CTDSPL2: variants seen among roughly 807,000 people sequenced by gnomAD.
CTDSPL2 encodes CTD small phosphatase like 2.
CTDSPL2 carries 5 observed loss-of-function variants against 60.0 expected under a neutral mutation model. That is an observed-to-expected ratio of 0.08 (90% CI 0.04 to 0.18). CTDSPL2 has a LOEUF of 0.18. CTDSPL2 is among the 10% of genes least tolerant of loss of function. The probability of loss-of-function intolerance (pLI) is 1.00; values close to 1 mark genes in which losing one functional copy is unlikely to be tolerated. For missense variants in CTDSPL2, 370 were observed against 548.8 expected (o/e 0.67, Z 3.26); for synonymous variants, 186 against 189.3 (o/e 0.98, Z 0.14).
chr15:44,436,026 T>C (rs1423266461), intron 1 of CTDSPL2, among the ~76,000 whole-genome samples: 1 of 152,158 alleles, frequency 6.6e-6, no homozygotes, highest in Non-Finnish European at 1.5e-5. Flanking sequence ...CCTTTTATAA[T>C]GAAGGCTTAT....
At chr15:44,455,935 C>T (rs544240036) in intron 1 of CTDSPL2, among the ~76,000 whole-genome samples, 11 of 148,686 alleles carry the variant, frequency 7.4e-5, no homozygotes, top group East Asian at 2.0e-4. Context: ...CTGCAGGCTC[C>T]GCCCCCTGGG....
intron 8 of CTDSPL2, 26 bp downstream of exon 8, chr15:44,499,839 T>G (rs971567362): frequency 7.3e-7 from 1 of 1,374,752 alleles, no homozygotes; most frequent in Non-Finnish European, 1.0e-6. Context: ...TTGATGATTT[T>G]TGGCCTGATA....
Position 44,496,476 on chromosome 15 carries a change from C to G in CTDSPL2, c.770+18C>G. On this transcript the variant is annotated intron_variant, in intron 6 of 12. Coordinates refer to ENST00000260327, the MANE Select transcript of CTDSPL2 (RefSeq NM_016396.3). ...TTTGACCCGTGAGTTGCTTTTTTCTCTTTTTTTCTTTCCTTTTTGGAGCAT... is the reference window on the plus strand; with the variant it reads ...TTTGACCCGTGAGTTGCTTTTTTCTGTTTTTTTCTTTCCTTTTTGGAGCAT... 2 of 1,592,206 alleles carry G rather than the reference C, an allele frequency of 1.3e-6. No individual in the cohort carries two copies. The highest frequency in any genetic ancestry group is 1.7e-6 in the Non-Finnish European group (2 of 1,161,260).
chr15:44,516,607 T>C (rs2081658138), intron 10 of CTDSPL2: 1 of 152,256 alleles, frequency 6.6e-6, no homozygotes, highest in Non-Finnish European at 1.5e-5. Flanking sequence ...TTCATTATAA[T>C]GATTTCTGTT....
Position 44,462,661 on chromosome 15 carries a change from G to A in CTDSPL2, c.186+3461G>A, listed in dbSNP as rs940750774. ...GGCCATGGACTGGTACCGTTCCATG[G>A]CCCAGAGGCTGGGGACTCTTGAACT... On this transcript the variant is annotated intron_variant, in intron 2 of 12. Coordinates refer to ENST00000260327, the MANE Select transcript of CTDSPL2 (RefSeq NM_016396.3). Among the ~76,000 whole-genome samples the A allele has an allele frequency of 2.7e-5, 4 of 150,642 alleles. No homozygotes were observed. The East Asian group carries it at 7.8e-4, about 29-fold the overall frequency.
intron 5 of CTDSPL2, among the ~76,000 whole-genome samples, 189 bp from the exon 6 acceptor site, chr15:44,496,189 AGT>A (rs2081297471): frequency 6.6e-6 from 1 of 152,100 alleles, no homozygotes; most frequent in Non-Finnish European, 1.5e-5. Flanking sequence ...TTTTTTCTAT[AGT>A]GGTCATTTTT....
At chr15:44,438,162 G>C (rs1271905789) in intron 1 of CTDSPL2, among the ~76,000 whole-genome samples, 1 of 152,146 alleles carries the variant, frequency 6.6e-6, no homozygotes, top group Admixed American at 6.5e-5. Context: ...TACTCGGAAG[G>C]CTGGGGCAGG....
chr15:44,445,206 C>G lies in CTDSPL2; in HGVS notation c.-24-13785C>G, dbSNP rs893725312. Reference sequence around the variant, plus strand: ...CAGATTTTTTTTTTTCTTTTTGAGACAGAGTCTCACTCCGGCTGTTGCCCT... The same window carrying G: ...CAGATTTTTTTTTTTCTTTTTGAGAGAGAGTCTCACTCCGGCTGTTGCCCT... On this transcript the variant is annotated intron_variant, in intron 1 of 12. Transcript: ENST00000260327. 2.7e-5 allele frequency among the ~76,000 whole-genome samples: 4 copies of G among 150,478 alleles called. No individual in the cohort carries two copies. The East Asian group carries it at 7.8e-4, about 29-fold the overall frequency.
chr15:44,464,832 G>A (rs1203714276), intron 2 of CTDSPL2, among the ~76,000 whole-genome samples: 1 of 152,076 alleles, frequency 6.6e-6, no homozygotes, highest in Admixed American at 6.6e-5. Context: ...CAGCCTCCTG[G>A]ATAGCTGGAA....
chr15:44,439,362 C>A (rs1014386955), intron 1 of CTDSPL2, among the ~76,000 whole-genome samples: 2 of 151,656 alleles, frequency 1.3e-5, no homozygotes, highest in African/African-American at 4.8e-5. Context: ...TTGACCAGGC[C>A]GGTCTCGAAC....
intron 5 of CTDSPL2, among the ~76,000 whole-genome samples, chr15:44,492,192 C>G (rs1316662165): frequency 1.3e-5 from 2 of 151,950 alleles, no homozygotes; most frequent in Non-Finnish European, 1.5e-5. Context: ...TTAAATTAGC[C>G]GGGGATGGTG....
Position 44,446,751 on chromosome 15 carries a change from G to A in CTDSPL2, c.-24-12240G>A, listed in dbSNP as rs1414022258. Among the ~76,000 whole-genome samples the A allele has an allele frequency of 1.0e-4, 13 of 127,196 alleles. No homozygotes were observed. In the Admixed American group the frequency reaches 1.4e-3, roughly 13 times the overall value. The allele number at this position is 127,196 out of a possible 152,430, so 83.4% of individuals were successfully genotyped here. A position where few individuals can be genotyped will look rare whatever the true frequency, so the allele number is the denominator to read the frequency against. Reference sequence around the variant, plus strand: ...GAGAAAGGGAAATTGGAATCTTGGGGAACTTTTTTTTTTTTTTTTTTTGAG... The same window carrying A: ...GAGAAAGGGAAATTGGAATCTTGGGAAACTTTTTTTTTTTTTTTTTTTGAG... On this transcript the variant is annotated intron_variant, in intron 1 of 12. Transcript: ENST00000260327.
chr15:44,493,390 T>G (rs1171942138), intron 5 of CTDSPL2, among the ~76,000 whole-genome samples: 1 of 152,248 alleles, frequency 6.6e-6, no homozygotes, highest in African/African-American at 2.4e-5. Flanking sequence ...TTTAAGCTTT[T>G]GAGACAGTTT....
rs2081311707 is a variant in CTDSPL2, at chr15:44,496,981, G to A, written c.771-46G>A. The A allele has an allele frequency of 3.6e-6, 4 of 1,105,594 alleles. No individual in the cohort carries two copies. In the South Asian group the frequency reaches 4.0e-5, roughly 11 times the overall value. The allele number at this position is 1,105,594 out of a possible 1,614,324, so 68.5% of individuals were successfully genotyped here. A position where few individuals can be genotyped will look rare whatever the true frequency, so the allele number is the denominator to read the frequency against. On this transcript the variant is annotated intron_variant, in intron 6 of 12. Transcript: ENST00000260327. ...GGCTGAGCTTAGTAATGTTCTATAT[G>A]TATAAAAAGTAAAATGTTGAAATTT...
chr15:44,467,054 A>G (rs888260133), intron 2 of CTDSPL2, among the ~76,000 whole-genome samples: 21 of 152,230 alleles, frequency 1.4e-4, no homozygotes, highest in African/African-American at 5.1e-4. Flanking sequence ...AGAAACAGTA[A>G]AAATAGAGTA....
chr15:44,496,090 A>G (rs867816), intron 5 of CTDSPL2, among the ~76,000 whole-genome samples: 4,589 of 152,174 alleles, frequency 0.03, 247 homozygotes, highest in African/African-American at 0.11. Flanking sequence ...AGAAGATTAC[A>G]TTTTTTGGTG....
intron 8 of CTDSPL2, among the ~76,000 whole-genome samples, chr15:44,507,594 T>A (rs1044058932): frequency 1.4e-4 from 21 of 152,234 alleles, no homozygotes; most frequent in African/African-American, 5.1e-4. Flanking sequence ...CCTACCTGAA[T>A]AACCCTCTTT....
In CTDSPL2 at chr15:44,528,447, TGA is replaced by T. The variant is rs1463067213; in HGVS notation, c.*4274_*4275del. On this transcript the variant is annotated 3_prime_UTR_variant, in exon 13 of 13. Coordinates refer to ENST00000260327, the MANE Select transcript of CTDSPL2 (RefSeq NM_016396.3). ...GGGTAATCAATGTTTTAGCTAAATG[TGA>T]CACTGGTTTGAGAGTAGGCAACAAA... The T allele has an allele frequency of 6.6e-6, 1 of 151,880 alleles. No homozygotes were observed. Among genetic ancestry groups the T allele is most frequent in the Admixed American group, 6.6e-5 (1 of 15,244 alleles). 9.4% of individuals were successfully genotyped at this position (151,880 alleles called of 1,614,324 possible).
chr15:44,489,443 T>G (rs1251633552), intron 4 of CTDSPL2, among the ~76,000 whole-genome samples: 1 of 152,176 alleles, frequency 6.6e-6, no homozygotes, highest in Non-Finnish European at 1.5e-5. Context: ...TTAAACAGAC[T>G]GGCCTTTATC....
Sources: gnomAD v4.1 joint callset for allele counts (sites outside exome capture counted in the v4.1 genomes callset) on GRCh38, gnomAD v4.1.1 for gene constraint, MANE v1.5 for transcripts, NCBI Gene and HGNC (gene_info 2026-07-23, HGNC 2026-07-21) for gene names.